The following MEI4 variants were observed in gnomAD, a reference collection of about 807,000 sequenced individuals.
MEI4 encodes meiotic double-stranded break formation protein 4, also known as meiosis-specific protein MEI4.
MEI4 carries 27 observed loss-of-function variants against 31.4 expected under a neutral mutation model. That is an observed-to-expected ratio of 0.86 (90% CI 0.63 to 1.19). The LOEUF (loss-of-function observed/expected upper bound fraction) is 1.19. Ranked by LOEUF, MEI4 falls within the 50% of genes most tolerant of loss-of-function variation. MEI4 has a pLI of 0.00. For synonymous variants in MEI4, 122 were observed against 145.4 expected, an observed-to-expected ratio of 0.84 and a Z score of 1.16; for missense variants, 329 against 398.9, an observed-to-expected ratio of 0.82 and a Z score of 1.49.
chr6:77,875,444 T>C (rs1771311236), intron 4 of MEI4, among the ~76,000 whole-genome samples: 1 of 152,186 alleles, frequency 6.6e-6, no homozygotes, highest in South Asian at 2.1e-4. Context: ...TGTTTAACAA[T>C]GGTTTTAGCT....
chr6:77,789,374 G>A (rs184572744), intron 3 of MEI4, among the ~76,000 whole-genome samples: 14 of 152,238 alleles, frequency 9.2e-5, no homozygotes, highest in Admixed American at 9.2e-4. Flanking sequence ...AACACCAAAA[G>A]CAATGACAAC....
chr6:77,735,684 C>T (rs539748041), intron 2 of MEI4, among the ~76,000 whole-genome samples: 31 of 152,190 alleles, frequency 2.0e-4, no homozygotes, highest in Non-Finnish European at 2.9e-4. Flanking sequence ...TGAGGAGCTG[C>T]GTTCCTTTGG....
intron 2 of MEI4, among the ~76,000 whole-genome samples, chr6:77,744,005 C>A (rs1407283289): frequency 2.6e-5 from 4 of 152,012 alleles, no homozygotes; most frequent in African/African-American, 9.7e-5. Flanking sequence ...TAGATAAAAC[C>A]ACAAAGACGG....
intron 4 of MEI4, among the ~76,000 whole-genome samples, chr6:77,884,185 C>T (rs1771568211): frequency 6.6e-6 from 1 of 152,088 alleles, no homozygotes; most frequent in Admixed American, 6.6e-5. Flanking sequence ...ATTCCTTTCC[C>T]ACTTTTTAAT....
In MEI4 at chr6:77,800,190, C is replaced by T. The variant is rs9448219; in HGVS notation, c.769-28741C>T. 7.0e-3 allele frequency among the ~76,000 whole-genome samples: 1,059 copies of T among 152,176 alleles called. 13 individuals are homozygous for T. The highest frequency in any genetic ancestry group is 0.024 in the African/African-American group (999 of 41,490). On this transcript the variant is annotated intron_variant, in intron 3 of 4. Transcript: ENST00000684080. ...TTTCATTGAGCAGTGGTTTATAGTT[C>T]TCCTTGAAGAGGTCTTTCACATACC... is the stretch of plus-strand genomic sequence containing the variant.
intron 4 of MEI4, among the ~76,000 whole-genome samples, chr6:77,851,496 A>C (rs893449960): frequency 1.3e-5 from 2 of 151,990 alleles, no homozygotes; most frequent in African/African-American, 4.8e-5. Flanking sequence ...ACATGGATGA[A>C]GCTGGAAACC....
At chr6:77,770,679 G>A (rs1319211497) in intron 3 of MEI4, among the ~76,000 whole-genome samples, 1 of 152,054 alleles carries the variant, frequency 6.6e-6, no homozygotes, top group Non-Finnish European at 1.5e-5. Flanking sequence ...AGAATAAAGA[G>A]CTTAGAAATA....
chr6:77,924,197 G>A lies in MEI4; in HGVS notation c.*851G>A, dbSNP rs1766788400. 1 of 151,746 alleles carries A rather than the reference G, an allele frequency of 6.6e-6. No individual in the cohort carries two copies. The highest frequency in any genetic ancestry group is 2.4e-5 in the African/African-American group (1 of 41,378). The allele number at this position is 151,746 out of a possible 1,614,324, so 9.4% of individuals were successfully genotyped here. On this transcript the variant is annotated 3_prime_UTR_variant, in exon 5 of 5. Coordinates refer to ENST00000684080, the MANE Select transcript of MEI4 (RefSeq NM_001322247.2). ...ATAACCGCAAACTTAATGAGCATATGTTACATTTCCTATAGTGCCATTTAG... is the reference window on the plus strand; with the variant it reads ...ATAACCGCAAACTTAATGAGCATATATTACATTTCCTATAGTGCCATTTAG...
At chr6:77,691,560 A>G (rs796793448) in intron 2 of MEI4, among the ~76,000 whole-genome samples, 10 of 152,208 alleles carry the variant, frequency 6.6e-5, no homozygotes, top group African/African-American at 2.2e-4. Context: ...GAATACTGCC[A>G]TCATTACATT....
At chr6:77,850,106 T>A (rs544859103) in intron 4 of MEI4, among the ~76,000 whole-genome samples, 22 of 152,300 alleles carry the variant, frequency 1.4e-4, no homozygotes, top group African/African-American at 5.1e-4. Flanking sequence ...CCTACAGAGT[T>A]GAAAGCAGGG....
intron 4 of MEI4, among the ~76,000 whole-genome samples, chr6:77,871,343 A>G (rs1413152171): frequency 1.3e-5 from 2 of 152,250 alleles, no homozygotes; most frequent in Non-Finnish European, 2.9e-5. Context: ...AGAAAATATA[A>G]TCATGCTTTA....
At chr6:77,860,561 A>C (rs543285145) in intron 4 of MEI4, among the ~76,000 whole-genome samples, 2 of 152,332 alleles carry the variant, frequency 1.3e-5, no homozygotes, top group East Asian at 3.9e-4. Flanking sequence ...ACTTTCTGAT[A>C]GTGCCTTTAT....
In MEI4 at chr6:77,923,328, A is replaced by G. The variant is rs1049352798; in HGVS notation, c.1140A>G (p.Ile380Met). Reference sequence around the variant, plus strand: ...GCATTCTTTTGAGCTCAGCACAGATAGAAACTCTTAGAAAATAACTCCATT... The same window carrying G: ...GCATTCTTTTGAGCTCAGCACAGATGGAAACTCTTAGAAAATAACTCCATT... ...RVGILLSSAQ[I>M]ETLRK is the part of the protein sequence containing the mutation. The change falls in exon 5 of 5, where the codon ATA (isoleucine) becomes ATG (methionine). Residue 380 changes from isoleucine (I) to methionine (M), a missense_variant. Coordinates refer to ENST00000684080, the MANE Select transcript of MEI4 (RefSeq NM_001322247.2). 2.4e-6 allele frequency: 3 copies of G among 1,229,796 alleles called. No homozygotes were observed. The highest frequency in any genetic ancestry group is 3.1e-5 in the African/African-American group (2 of 64,238). 76.2% of individuals were successfully genotyped at this position (1,229,796 alleles called of 1,614,324 possible).
At chr6:77,761,003 G>C (rs1237153828) in intron 2 of MEI4, 127 bp from the exon 3 acceptor site, 3 of 627,216 alleles carry the variant, frequency 4.8e-6, no homozygotes, top group Non-Finnish European at 6.9e-6. Flanking sequence ...TTACACTACT[G>C]CTTGTTAAAT....
At chr6:77,833,143 T>C (rs1770125410) in intron 4 of MEI4, among the ~76,000 whole-genome samples, 1 of 149,862 alleles carries the variant, frequency 6.7e-6, no homozygotes, top group Admixed American at 6.7e-5. Context: ...GTATCTGCCT[T>C]TTTTTTTTAG....
At chr6:77,908,799 A>T (rs1420412960) in intron 4 of MEI4, among the ~76,000 whole-genome samples, 1 of 152,116 alleles carries the variant, frequency 6.6e-6, no homozygotes, top group Non-Finnish European at 1.5e-5. Context: ...AGAAGAGCTA[A>T]CTCTCCTAAA....
intron 4 of MEI4, among the ~76,000 whole-genome samples, chr6:77,864,428 A>G (rs1452961731): frequency 2.6e-5 from 4 of 152,178 alleles, no homozygotes; most frequent in African/African-American, 9.7e-5. Context: ...AGGGGTTGCA[A>G]TCCTAGTCTC....
intron 3 of MEI4, among the ~76,000 whole-genome samples, chr6:77,776,016 A>C (rs1417445033): frequency 6.6e-6 from 1 of 151,728 alleles, no homozygotes; most frequent in Non-Finnish European, 1.5e-5. Flanking sequence ...TCATGTCTTT[A>C]GCCCACTTTT....
chr6:77,741,338 G>T (rs1767394726), intron 2 of MEI4, among the ~76,000 whole-genome samples: 1 of 152,166 alleles, frequency 6.6e-6, no homozygotes, highest in Non-Finnish European at 1.5e-5. Flanking sequence ...AGATTTTAAG[G>T]AGAGAATTTC....
Sources: gnomAD v4.1 joint callset for allele counts (sites outside exome capture counted in the v4.1 genomes callset) on GRCh38, gnomAD v4.1.1 for gene constraint, MANE v1.5 for transcripts, NCBI Gene and HGNC (gene_info 2026-07-23, HGNC 2026-07-21) for gene names.